Variants in NEDD4L observed in about 807,000 individuals in gnomAD.
NEDD4L encodes the protein E3 ubiquitin-protein ligase NEDD4-like.
A neutral mutation model predicts 148.9 loss-of-function variants in NEDD4L; 54 were observed. That is an observed-to-expected ratio of 0.36 (90% confidence interval 0.29 to 0.45). NEDD4L has a LOEUF of 0.45. Ranked by LOEUF, NEDD4L falls within the 20% of genes least tolerant of loss-of-function variation. The probability of loss-of-function intolerance (pLI) is 1.00; values close to 1 mark genes in which losing one functional copy is unlikely to be tolerated. For synonymous variants in NEDD4L, 433 were observed against 440.7 expected, an observed-to-expected ratio of 0.98 and a Z score of 0.22; for missense variants, 856 against 1,233.8, an observed-to-expected ratio of 0.69 and a Z score of 4.59.
intron 1 of NEDD4L, among the ~76,000 whole-genome samples, chr18:58,072,969 A>G (rs2082962387): frequency 6.6e-6 from 1 of 152,166 alleles, no homozygotes; most frequent in Non-Finnish European, 1.5e-5. Flanking sequence ...GCATCCAGAA[A>G]TGAAATTAAT....
chr18:58,157,202 A>G (rs2035613253), intron 1 of NEDD4L, among the ~76,000 whole-genome samples: 1 of 151,238 alleles, frequency 6.6e-6, no homozygotes, highest in Non-Finnish European at 1.5e-5. Flanking sequence ...AAAAAAAAAA[A>G]GAAAAATAAG....
At chr18:58,342,832 C>A in intron 15 of NEDD4L, 74 bp from the exon 16 acceptor site, 1 of 1,202,374 alleles carries the variant, frequency 8.3e-7, no homozygotes, top group Non-Finnish European at 1.1e-6. Context: ...AAGCCTTCTG[C>A]AATACCCAGG....
intron 30 of NEDD4L, among the ~76,000 whole-genome samples, chr18:58,394,953 G>A (rs1454475094): frequency 6.6e-6 from 1 of 152,254 alleles, no homozygotes; most frequent in African/African-American, 2.4e-5. Flanking sequence ...GGCAGCACAA[G>A]TGCACTTCAA....
Position 58,069,344 on chromosome 18 carries a change from T to G in NEDD4L, c.48+24636T>G, listed in dbSNP as rs1427511545. Among the ~76,000 whole-genome samples the G allele has an allele frequency of 5.3e-5, 8 of 152,278 alleles. No homozygotes were observed. The East Asian group carries it at 1.4e-3, about 26-fold the overall frequency. On this transcript the variant is annotated intron_variant, in intron 1 of 30. Coordinates refer to ENST00000400345, the MANE Select transcript of NEDD4L (RefSeq NM_001144967.3). ...AGCTGAGCTCCACCAGTGTTAGAAC[T>G]GAAATTGAGGTTATCTCACCAGGAA...
At chr18:58,131,871 G>A (rs562020309) in intron 1 of NEDD4L, among the ~76,000 whole-genome samples, 1 of 152,264 alleles carries the variant, frequency 6.6e-6, no homozygotes, top group South Asian at 2.1e-4. Flanking sequence ...GAAAGTTGTG[G>A]GAAGAACAGT....
intron 19 of NEDD4L, among the ~76,000 whole-genome samples, chr18:58,360,611 T>G (rs1489830412): frequency 6.6e-6 from 1 of 152,238 alleles, no homozygotes. Context: ...CTGCTTATTA[T>G]TTTTAAGATA....
chr18:58,263,496 A>C (rs901556740), intron 5 of NEDD4L, among the ~76,000 whole-genome samples: 3 of 152,110 alleles, frequency 2.0e-5, no homozygotes, highest in Admixed American at 1.3e-4. Flanking sequence ...AGCATGTTAA[A>C]TACTTTGAAA....
chr18:58,136,669 A>G (rs9949775), intron 1 of NEDD4L, among the ~76,000 whole-genome samples: 1 of 152,182 alleles, frequency 6.6e-6, no homozygotes, highest in African/African-American at 2.4e-5. Flanking sequence ...AAGTGAAGCA[A>G]CATTCCAGAA....
intron 1 of NEDD4L, among the ~76,000 whole-genome samples, chr18:58,125,580 T>A (rs1229761229): frequency 1.3e-5 from 2 of 152,146 alleles, no homozygotes; most frequent in African/African-American, 4.8e-5. Context: ...AGCCCTTATA[T>A]GATCTCGAGT....
chr18:58,343,071 T>C lies in NEDD4L; in HGVS notation c.1543T>C (p.Phe515Leu), dbSNP rs1433412051. Residue 515 changes from phenylalanine (F) to leucine (L), a missense_variant, in exon 16 of 31, where the codon TTC becomes CTC. Physicochemically the swap from Phe to Leu is conservative, Grantham distance 22. Around this residue, in one of 4 missense-constraint regions of NEDD4L, gnomAD observed 367 missense variants for 422.7 expected, o/e 0.87. Transcript: ENST00000400345. ...MRIAPNGRPF[F>L]IDHNTKTTTW... ...GATAGCGCCAAACGGCCGGCCCTTC[T>C]TCATTGATCATAACACAAAGACTAC... is the stretch of plus-strand genomic sequence containing the variant. 3 of 1,611,320 alleles carry C rather than the reference T, an allele frequency of 1.9e-6. No homozygotes were observed. Among genetic ancestry groups the C allele is most frequent in the Non-Finnish European group, 2.5e-6 (3 of 1,178,636 alleles).
At chr18:58,305,888 T>C (rs2057002205) in intron 5 of NEDD4L, among the ~76,000 whole-genome samples, 1 of 152,222 alleles carries the variant, frequency 6.6e-6, no homozygotes, top group Admixed American at 6.5e-5. Context: ...TAGCTTTAAC[T>C]ACTTAGAAGT....
intron 5 of NEDD4L, among the ~76,000 whole-genome samples, chr18:58,271,854 C>CT (rs1237166028): frequency 6.6e-6 from 1 of 152,178 alleles, no homozygotes; most frequent in Admixed American, 6.5e-5. Flanking sequence ...GTTTTCCCAA[C>CT]TTAATAATGA....
At chr18:58,222,362 CT>C (rs1204129919) in intron 2 of NEDD4L, among the ~76,000 whole-genome samples, 7 of 152,190 alleles carry the variant, frequency 4.6e-5, no homozygotes, top group Non-Finnish European at 8.8e-5. Context: ...CAACAGAAAT[CT>C]TTCTCTTCCT....
intron 2 of NEDD4L, among the ~76,000 whole-genome samples, chr18:58,203,518 C>T (rs550423442): frequency 6.6e-6 from 1 of 152,004 alleles, no homozygotes; most frequent in South Asian, 2.1e-4. Flanking sequence ...AGCTAGTACA[C>T]TGTAGGAAAG....
chr18:58,325,767 C>T (rs1018351531), intron 9 of NEDD4L, among the ~76,000 whole-genome samples: 3 of 152,168 alleles, frequency 2.0e-5, no homozygotes, highest in African/African-American at 7.2e-5. Flanking sequence ...GTTCCCTCAG[C>T]AATTTGTGGT....
chr18:58,207,714 T>C (rs765513699), intron 2 of NEDD4L, among the ~76,000 whole-genome samples: 5 of 152,182 alleles, frequency 3.3e-5, no homozygotes, highest in Non-Finnish European at 7.3e-5. Flanking sequence ...CTCACGAGTG[T>C]CATCTGACAT....
chr18:58,255,622 C>T (rs2148560929), intron 5 of NEDD4L: 11 of 1,232,498 alleles, frequency 8.9e-6, no homozygotes, highest in Non-Finnish European at 1.1e-5. Context: ...CCCTAGCCCT[C>T]CTGGCCCCCC....
chr18:58,290,330 T>C (rs995834531), intron 5 of NEDD4L, among the ~76,000 whole-genome samples: 1 of 152,266 alleles, frequency 6.6e-6, no homozygotes, highest in Non-Finnish European at 1.5e-5. Flanking sequence ...TAGATCCACA[T>C]TCGTCATTGA....
At chr18:58,204,465 G>T (rs1305114402) in intron 2 of NEDD4L, among the ~76,000 whole-genome samples, 1 of 152,184 alleles carries the variant, frequency 6.6e-6, no homozygotes, top group African/African-American at 2.4e-5. Flanking sequence ...ATGTGACAAG[G>T]TGGTTATGTG....
Sources: gnomAD v4.1 joint callset for allele counts (sites outside exome capture counted in the v4.1 genomes callset) on GRCh38, gnomAD v4.1.1 for gene constraint, gnomAD v4.1.1 regional missense constraint, MANE v1.5 for transcripts, NCBI Gene and HGNC (gene_info 2026-07-23, HGNC 2026-07-21) for gene names.